Variants in MEI4 observed in about 807,000 individuals in gnomAD.
The protein encoded by MEI4 is meiotic double-stranded break formation protein 4.
A neutral mutation model predicts 31.4 loss-of-function variants in MEI4; 27 were observed. The ratio of observed to expected loss-of-function variants is 0.86; its 90% CI spans 0.63 to 1.19. MEI4 has a LOEUF of 1.19. Ranked by LOEUF, MEI4 falls within the 50% of genes most tolerant of loss-of-function variation. MEI4 has a pLI of 0.00. For synonymous variants in MEI4, 122 were observed against 145.4 expected, an observed-to-expected ratio of 0.84 and a Z score of 1.16; for missense variants, 329 against 398.9, an observed-to-expected ratio of 0.82 and a Z score of 1.49.
chr6:77,653,057 CCT>C lies in MEI4; in HGVS notation c.-49_-48del, dbSNP rs1476011896. Among the ~76,000 whole-genome samples, 2 of 152,110 alleles carry C rather than the reference CCT, an allele frequency of 1.3e-5. No homozygotes were observed. The highest frequency in any genetic ancestry group is 2.9e-5 in the Non-Finnish European group (2 of 68,022). ...CACCCCTGATGAGGCGTTCTCTTGC[CCT>C]GTTATCATCTCATTTCTGCTTCTCT... is the stretch of plus-strand genomic sequence containing the variant. On this transcript the variant is annotated 5_prime_UTR_variant, in exon 1 of 5. Coordinates refer to ENST00000684080, the MANE Select transcript of MEI4 (RefSeq NM_001322247.2).
At chr6:77,906,671 A>G (rs149731929) in intron 4 of MEI4, among the ~76,000 whole-genome samples, 1 of 152,308 alleles carries the variant, frequency 6.6e-6, no homozygotes, top group African/African-American at 2.4e-5. Flanking sequence ...TTGGTCAAGC[A>G]TAGGGCTGAG....
intron 4 of MEI4, among the ~76,000 whole-genome samples, chr6:77,859,302 A>G (rs1201160761): frequency 1.1e-4 from 16 of 152,094 alleles, no homozygotes; most frequent in Admixed American, 1.0e-3. Context: ...TATCTTTGCT[A>G]TTGTAAATAG....
chr6:77,656,401 G>T (rs1372122817), intron 1 of MEI4, among the ~76,000 whole-genome samples: 3 of 151,940 alleles, frequency 2.0e-5, no homozygotes, highest in Non-Finnish European at 2.9e-5. Context: ...TACCATAACT[G>T]ATTGTTTATG....
intron 4 of MEI4, among the ~76,000 whole-genome samples, chr6:77,902,293 T>G (rs796260535): frequency 6.6e-6 from 1 of 152,138 alleles, no homozygotes; most frequent in African/African-American, 2.4e-5. Flanking sequence ...TATATTATTT[T>G]GAGATACTAT....
intron 3 of MEI4, among the ~76,000 whole-genome samples, chr6:77,810,936 G>GA (rs555295682): frequency 2.5e-4 from 38 of 150,914 alleles, no homozygotes; most frequent in African/African-American, 6.1e-4. Flanking sequence ...AGGAGGAAAA[G>GA]AAAAAAAAAT....
At chr6:77,921,829 G>A (rs887272794) in intron 4 of MEI4, among the ~76,000 whole-genome samples, 5 of 151,754 alleles carry the variant, frequency 3.3e-5, no homozygotes, top group African/African-American at 1.2e-4. Context: ...TATCAGTTAA[G>A]TTCACCATCT....
At chr6:77,902,333 C>A (rs1156912385) in intron 4 of MEI4, among the ~76,000 whole-genome samples, 2 of 152,080 alleles carry the variant, frequency 1.3e-5, no homozygotes, top group African/African-American at 4.8e-5. Context: ...TTCTTCCAGT[C>A]CATGAACCAC....
At chr6:77,919,771 AAGAG>A (rs1184685953) in intron 4 of MEI4, among the ~76,000 whole-genome samples, 8 of 149,588 alleles carry the variant, frequency 5.3e-5, no homozygotes, top group African/African-American at 1.2e-4. Context: ...TAAAGAAAAA[AAGAG>A]AGAAGAATCA....
intron 3 of MEI4, among the ~76,000 whole-genome samples, chr6:77,776,156 GTT>G (rs71809709): frequency 2.4e-4 from 34 of 143,364 alleles, no homozygotes; most frequent in African/African-American, 8.3e-4. Flanking sequence ...TCTGCTAATT[GTT>G]TTTTTTTTGT....
At chr6:77,751,089 G>T (rs1398657695) in intron 2 of MEI4, among the ~76,000 whole-genome samples, 1 of 152,038 alleles carries the variant, frequency 6.6e-6, no homozygotes, top group Non-Finnish European at 1.5e-5. Flanking sequence ...GACAAAATGT[G>T]CCAGAATCTC....
At chr6:77,696,258 C>T (rs1448040948) in intron 2 of MEI4, among the ~76,000 whole-genome samples, 1 of 152,078 alleles carries the variant, frequency 6.6e-6, no homozygotes, top group Non-Finnish European at 1.5e-5. Context: ...CCCTTTATTT[C>T]CTTCTCCTGC....
chr6:77,788,338 G>T (rs1464866037), intron 3 of MEI4, among the ~76,000 whole-genome samples: 1 of 152,066 alleles, frequency 6.6e-6, no homozygotes, highest in African/African-American at 2.4e-5. Context: ...TTTGAAAACT[G>T]GCACAAGACA....
chr6:77,743,793 G>C (rs186114938), intron 2 of MEI4, among the ~76,000 whole-genome samples: 1 of 152,300 alleles, frequency 6.6e-6, no homozygotes, highest in Non-Finnish European at 1.5e-5. Flanking sequence ...AGATCAGACA[G>C]CAGCATTCGT....
At chr6:77,807,987 C>G (rs1769481999) in intron 3 of MEI4, among the ~76,000 whole-genome samples, 1 of 152,168 alleles carries the variant, frequency 6.6e-6, no homozygotes. Flanking sequence ...AACAGCAATA[C>G]TATGTCTAAG....
At chr6:77,816,475 C>T (rs1054036435) in intron 3 of MEI4, among the ~76,000 whole-genome samples, 1 of 152,028 alleles carries the variant, frequency 6.6e-6, no homozygotes, top group African/African-American at 2.4e-5. Context: ...ACATTTCATC[C>T]TTTTTTATGG....
At chr6:77,671,453 G>T (rs1415509310) in intron 1 of MEI4, among the ~76,000 whole-genome samples, 2 of 151,936 alleles carry the variant, frequency 1.3e-5, no homozygotes, top group Non-Finnish European at 2.9e-5. Context: ...ATCTGAGCTG[G>T]ACTCCCAAGC....
intron 2 of MEI4, among the ~76,000 whole-genome samples, chr6:77,750,934 G>C (rs1040539151): frequency 6.6e-6 from 1 of 151,902 alleles, no homozygotes. Context: ...TCAGACCACA[G>C]TGCAAATTAG....
At chr6:77,814,410 G>T (rs1325367789) in intron 3 of MEI4, among the ~76,000 whole-genome samples, 1 of 152,094 alleles carries the variant, frequency 6.6e-6, no homozygotes, top group Non-Finnish European at 1.5e-5. Context: ...CAGCTATGCT[G>T]TGGCTCAGCT....
At chr6:77,830,955 G>C (rs1770064251) in intron 4 of MEI4, among the ~76,000 whole-genome samples, 1 of 152,036 alleles carries the variant, frequency 6.6e-6, no homozygotes, top group African/African-American at 2.4e-5. Flanking sequence ...AATTAGCCAA[G>C]TGAAGAGACA....
Sources: allele counts gnomAD v4.1 joint callset (sites outside exome capture counted in the v4.1 genomes callset), GRCh38; gene constraint gnomAD v4.1.1; transcripts MANE v1.5; gene names NCBI Gene and HGNC (gene_info 2026-07-23, HGNC 2026-07-21).